Variants in MAD1L1 observed in about 807,000 individuals in gnomAD.
MAD1L1 encodes the protein mitotic arrest deficient 1 like 1.
A neutral mutation model predicts 96.9 loss-of-function variants in MAD1L1; 95 were observed. That is an observed-to-expected ratio of 0.98 (90% confidence interval 0.83 to 1.16). The LOEUF (loss-of-function observed/expected upper bound fraction) is 1.16. Among genes scored for constraint, MAD1L1 ranks in the 50% most tolerant of loss-of-function variants. The pLI, the probability that MAD1L1 is intolerant of heterozygous loss-of-function variation, is 0.00. For synonymous variants in MAD1L1, 473 were observed against 396.6 expected, an observed-to-expected ratio of 1.19 and a Z score of -2.29; for missense variants, 1,007 against 954.4, an observed-to-expected ratio of 1.06 and a Z score of -0.73.
At chr7:1,854,309 G>A (rs527757059) in intron 18 of MAD1L1, 38 of 451,170 alleles carry the variant, frequency 8.4e-5, no homozygotes, top group South Asian at 2.7e-4. Context: ...AGCAGCGAGC[G>A]GACGTCCTGG....
At chr7:2,178,888 C>CAAAAA (rs1192952349) in intron 10 of MAD1L1, among the ~76,000 whole-genome samples, 3 of 88,080 alleles carry the variant, frequency 3.4e-5, no homozygotes. Flanking sequence ...CACAGAGTCT[C>CAAAAA]AAAAAAAAAA....
chr7:1,816,195 G>A lies in MAD1L1; in HGVS notation c.2032C>T (p.Leu678=), dbSNP rs763072683. 6.2e-7 allele frequency: 1 copy of A among 1,613,176 alleles called. No homozygotes were observed. Among genetic ancestry groups the A allele is most frequent in the Non-Finnish European group, 8.5e-7 (1 of 1,179,700 alleles). The change falls in exon 19 of 19, where the codon CTG becomes TTG. Residue 678 remains leucine, a synonymous_variant. Coordinates refer to ENST00000265854, the MANE Select transcript of MAD1L1 (RefSeq NM_001013836.2). Reference sequence around the variant, plus strand: ...ACGGTGTGTGAGAACTCTGTCTCCAGTAGCTGCATCTTGGAACCCGAGGGG... The same window carrying A: ...ACGGTGTGTGAGAACTCTGTCTCCAATAGCTGCATCTTGGAACCCGAGGGG... ...TSPSGSKMQL[L]ETEFSHTVGE...
chr7:1,939,131 C>T (rs1298615194), intron 16 of MAD1L1, among the ~76,000 whole-genome samples: 11 of 142,598 alleles, frequency 7.7e-5, no homozygotes, highest in African/African-American at 1.3e-4. Context: ...CACACACACA[C>T]GGGCCAGGGC....
chr7:2,172,301 C>T (rs1444786057), intron 10 of MAD1L1, among the ~76,000 whole-genome samples: 1 of 152,158 alleles, frequency 6.6e-6, no homozygotes, highest in Non-Finnish European at 1.5e-5. Flanking sequence ...TCGGGTGGGA[C>T]GTGTCTGGCC....
intron 15 of MAD1L1, among the ~76,000 whole-genome samples, chr7:1,965,605 G>A (rs534519952): frequency 1.1e-4 from 16 of 152,372 alleles, no homozygotes; most frequent in Middle Eastern, 3.4e-3. Context: ...CTCCCTGCTC[G>A]GAGTATGGAC....
chr7:2,083,824 C>A (rs1440352542), intron 11 of MAD1L1, among the ~76,000 whole-genome samples: 1 of 152,250 alleles, frequency 6.6e-6, no homozygotes, highest in Non-Finnish European at 1.5e-5. Context: ...CCGTTCCCAT[C>A]TCCAGGACCT....
chr7:2,140,454 G>A (rs1788974846), intron 11 of MAD1L1, among the ~76,000 whole-genome samples: 1 of 152,244 alleles, frequency 6.6e-6, no homozygotes, highest in South Asian at 2.1e-4. Flanking sequence ...CAGCCGCAAA[G>A]CCGGGAGCAA....
At chr7:2,185,007 A>T (rs1791391000) in intron 10 of MAD1L1, among the ~76,000 whole-genome samples, 1 of 152,220 alleles carries the variant, frequency 6.6e-6, no homozygotes, top group Admixed American at 6.5e-5. Flanking sequence ...CATCTCAAAA[A>T]ATAAATAAAT....
At chr7:1,849,963 T>C (rs10250550) in intron 18 of MAD1L1, 97,021 of 152,110 alleles carry the variant, frequency 0.64, 31,197 homozygotes, top group South Asian at 0.79. Context: ...TGACAAGCGC[T>C]GGAAGGGCGG....
chr7:2,179,519 A>C (rs1325915783), intron 10 of MAD1L1, among the ~76,000 whole-genome samples: 1 of 146,586 alleles, frequency 6.8e-6, no homozygotes, highest in African/African-American at 2.5e-5. Context: ...CAACAGCGAG[A>C]CTCTGTCTCA....
At chr7:2,136,206 G>T (rs1788743091) in intron 11 of MAD1L1, among the ~76,000 whole-genome samples, 1 of 152,190 alleles carries the variant, frequency 6.6e-6, no homozygotes, top group Non-Finnish European at 1.5e-5. Flanking sequence ...AGCATTAAGA[G>T]GCTTCATGCC....
intron 10 of MAD1L1, among the ~76,000 whole-genome samples, chr7:2,162,726 ACG>A (rs1790224317): frequency 1.3e-5 from 2 of 148,568 alleles, no homozygotes; most frequent in African/African-American, 2.5e-5. Flanking sequence ...AAAAAAAAAA[ACG>A]TAATGGATCC....
chr7:1,854,665 G>A (rs1428922248), intron 18 of MAD1L1, among the ~76,000 whole-genome samples: 4 of 152,052 alleles, frequency 2.6e-5, no homozygotes, highest in South Asian at 2.1e-4. Flanking sequence ...TGGGAACTGC[G>A]GGACACAAAC....
At chr7:2,171,408 C>T (rs896390376) in intron 10 of MAD1L1, among the ~76,000 whole-genome samples, 5 of 152,228 alleles carry the variant, frequency 3.3e-5, no homozygotes, top group African/African-American at 9.6e-5. Context: ...GATTCCTCAA[C>T]CTCACCCCCG....
chr7:1,912,922 C>T (rs1007464555), intron 17 of MAD1L1, among the ~76,000 whole-genome samples: 1 of 150,960 alleles, frequency 6.6e-6, no homozygotes, highest in Admixed American at 6.6e-5. Flanking sequence ...GCTGTGTGGG[C>T]TCCGGCCGCT....
At chr7:1,883,175 G>A (rs7791856) in intron 18 of MAD1L1, among the ~76,000 whole-genome samples, 3 of 150,138 alleles carry the variant, frequency 2.0e-5, no homozygotes, top group Non-Finnish European at 3.0e-5. Context: ...ACCAAACCTC[G>A]TGTCACAAAC....
intron 15 of MAD1L1, among the ~76,000 whole-genome samples, chr7:1,959,775 G>C (rs1400986438): frequency 1.3e-5 from 2 of 152,190 alleles, no homozygotes; most frequent in Non-Finnish European, 2.9e-5. Context: ...CAGCCGACCT[G>C]CTCTACAGAA....
chr7:2,149,236 G>A lies in MAD1L1; in HGVS notation c.989C>T (p.Thr330Ile). ...LDQTMGLSIR[T>I]PEDLSRFVVE... ...CACGAATCTGGAAAGGTCTTCTGGA[G>A]TCCTGCAGGATAAACAAGGCACACT... is the stretch of plus-strand genomic sequence containing the variant. The change falls in exon 11 of 19, where the codon ACT (threonine) becomes ATT (isoleucine). Residue 330 changes from threonine (T) to isoleucine (I), a missense_variant and splice_region_variant. Coordinates refer to ENST00000265854, the MANE Select transcript of MAD1L1 (RefSeq NM_001013836.2). 1.2e-6 allele frequency: 2 copies of A among 1,613,310 alleles called. No homozygotes were observed. Among genetic ancestry groups the A allele is most frequent in the African/African-American group, 1.3e-5 (1 of 75,024 alleles).
intron 18 of MAD1L1, among the ~76,000 whole-genome samples, chr7:1,897,177 G>GACAGGCAGCGGCTCACCGCTGAATCAC: frequency 6.6e-6 from 1 of 152,402 alleles, no homozygotes; most frequent in South Asian, 2.1e-4. Flanking sequence ...GGCTGAATCA[G>GACAGGCAGCGGCTCACCGCTGAATCAC]ACAGGCAGCG....
Sources: gnomAD v4.1 joint callset for allele counts (sites outside exome capture counted in the v4.1 genomes callset) on GRCh38, gnomAD v4.1.1 for gene constraint, MANE v1.5 for transcripts, NCBI Gene and HGNC (gene_info 2026-07-23, HGNC 2026-07-21) for gene names.